The following HMCN1 variants were observed in gnomAD, a reference collection of about 807,000 sequenced individuals.
HMCN1 encodes hemicentin-1.
In HMCN1, 321 loss-of-function variants were observed where a neutral mutation model predicts 625.9. The observed-to-expected ratio is 0.51, with a 90% CI of 0.47 to 0.56. The LOEUF (loss-of-function observed/expected upper bound fraction) is 0.56. Ranked by LOEUF, HMCN1 falls within the 20% of genes least tolerant of loss-of-function variation. The pLI is 0.00. For missense variants in HMCN1, 6,588 were observed against 6,887.3 expected, an observed-to-expected ratio of 0.96 and a Z score of 1.54; for synonymous variants, 2,425 against 2,417.6, an observed-to-expected ratio of 1.00 and a Z score of -0.09.
At chr1:185,991,858 T>C (rs889094883) in intron 22 of HMCN1, among the ~76,000 whole-genome samples, 3 of 152,166 alleles carry the variant, frequency 2.0e-5, no homozygotes, top group Non-Finnish European at 4.4e-5. Flanking sequence ...CATTGCTAAA[T>C]TGCTTTCCAA....
chr1:185,766,416 C>T (rs1655875699), intron 1 of HMCN1, among the ~76,000 whole-genome samples: 2 of 152,096 alleles, frequency 1.3e-5, no homozygotes, highest in Admixed American at 1.3e-4. Flanking sequence ...AGGGGACATT[C>T]TCCCTGAATA....
chr1:186,069,516 C>A, intron 50 of HMCN1, 147 bp from the exon 51 acceptor site: 1 of 685,740 alleles, frequency 1.5e-6, no homozygotes, highest in Non-Finnish European at 2.7e-6. Flanking sequence ...ATCAGTATTG[C>A]AGTTTATCTT....
At position 186,117,470 on chromosome 1, in the gene HMCN1, A is replaced by G. The variant is rs923845717; in HGVS notation, c.11695A>G (p.Ile3899Val). Residue 3899 changes from isoleucine (I) to valine (V), a missense_variant, in exon 77 of 107, where the codon ATA (isoleucine) becomes GTA (valine). By Grantham distance (29) the Ile-to-Val change is conservative. Around this residue, in one of 3 missense-constraint regions of HMCN1, gnomAD observed 4,628 missense variants for 4,853.1 expected, o/e 0.95. Coordinates refer to ENST00000271588, the MANE Select transcript of HMCN1 (RefSeq NM_031935.3). ...VDLTVQVPPS[I>V]ADEPTDFLVT... ...TGTTGTTGTTTTAGTTCCACCTTCCATAGCTGATGAGCCTACAGATTTCCT... is the reference window on the plus strand; with the variant it reads ...TGTTGTTGTTTTAGTTCCACCTTCCGTAGCTGATGAGCCTACAGATTTCCT... 1 of 1,613,612 alleles carries G rather than the reference A, an allele frequency of 6.2e-7. No homozygotes were observed. Among genetic ancestry groups the G allele is most frequent in the Admixed American group, 1.7e-5 (1 of 59,972 alleles).
chr1:185,944,805 A>G (rs1280832518), intron 11 of HMCN1, among the ~76,000 whole-genome samples: 1 of 152,230 alleles, frequency 6.6e-6, no homozygotes, highest in Non-Finnish European at 1.5e-5. Context: ...GTAACATAAT[A>G]CTTAGTACCC....
chr1:186,104,929 A>G (rs1660543516), intron 69 of HMCN1, among the ~76,000 whole-genome samples: 1 of 152,228 alleles, frequency 6.6e-6, no homozygotes, highest in Non-Finnish European at 1.5e-5. Context: ...TAGGAATAGC[A>G]TGGAGACAGA....
intron 39 of HMCN1, 92 bp downstream of exon 39, chr1:186,039,971 A>G (rs543450777): frequency 2.4e-6 from 3 of 1,231,158 alleles, no homozygotes; most frequent in Admixed American, 3.4e-5. Flanking sequence ...GATTTAGAGA[A>G]CAAGGATTAA....
In HMCN1 at chr1:186,003,821, T is replaced by A; in HGVS notation, c.4452T>A (p.Asp1484Glu). The A allele has an allele frequency of 6.2e-7, 1 of 1,613,350 alleles. No individual in the cohort carries two copies. The highest frequency in any genetic ancestry group is 8.5e-7 in the Non-Finnish European group (1 of 1,179,414). The stretch of plus-strand genomic sequence containing the variant: ...AGGTCAAAGGCACTCCCTTTCCTGA[T>A]ATTCATTGGTTCAAAGATGGCAAGT... ...ECQVKGTPFPDIHWFKDGKPL... is the reference protein window; with the variant it reads ...ECQVKGTPFPEIHWFKDGKPL... Residue 1484 changes from aspartate to glutamate, a missense_variant, in exon 29 of 107, where the codon GAT becomes GAA. Around this residue, in one of 3 missense-constraint regions of HMCN1, gnomAD observed 4,628 missense variants for 4,853.1 expected, o/e 0.95. Transcript: ENST00000271588.
intron 2 of HMCN1, among the ~76,000 whole-genome samples, chr1:185,854,488 G>A (rs558060816): frequency 1.1e-3 from 174 of 152,256 alleles, no homozygotes; most frequent in African/African-American, 3.9e-3. Context: ...CTCCTATGGA[G>A]CAATGTCTGG....
intron 4 of HMCN1, among the ~76,000 whole-genome samples, chr1:185,907,923 T>G (rs1666186347): frequency 6.7e-6 from 1 of 148,762 alleles, no homozygotes. Context: ...ACCAATTTCA[T>G]TGACATTAGT....
chr1:185,818,564 A>C (rs191077929), intron 1 of HMCN1, among the ~76,000 whole-genome samples: 85 of 152,282 alleles, frequency 5.6e-4, no homozygotes, highest in African/African-American at 2.0e-3. Flanking sequence ...AATATAGTTA[A>C]TTCTTACCTT....
chr1:185,805,441 T>A (rs186364987), intron 1 of HMCN1, among the ~76,000 whole-genome samples: 1 of 152,264 alleles, frequency 6.6e-6, no homozygotes, highest in Non-Finnish European at 1.5e-5. Flanking sequence ...AACATTTAGG[T>A]AGAGATGACA....
chr1:186,160,203 T>A (rs559131015), intron 97 of HMCN1, among the ~76,000 whole-genome samples: 3,378 of 148,852 alleles, frequency 0.023, 57 homozygotes, highest in Non-Finnish European at 0.037. Flanking sequence ...CTAGTTTATT[T>A]GCATAGAGGT....
rs1654593118 is a variant in HMCN1 at position 186,019,690 on chromosome 1, C to T, written c.5620C>T (p.Leu1874Phe). ...GCCTGTGAACACTGCCCAAGGAAAC[C>T]TTAAAGTAAGTGTAAATATTACTCA... ...DQPVNTAQGN[L>F]KIQSSGRVLQ... The change falls in exon 35 of 107, where the codon CTT becomes TTT. Residue 1874 changes from leucine to phenylalanine, a missense_variant. Leu to Phe is a conservative substitution (Grantham distance 22). This residue lies in a region of HMCN1 where 4,628 missense variants were observed against 4,853.1 expected (regional missense o/e 0.95). Coordinates refer to ENST00000271588, the MANE Select transcript of HMCN1 (RefSeq NM_031935.3). The T allele has an allele frequency of 6.2e-7, 1 of 1,611,114 alleles. No individual in the cohort carries two copies. The highest frequency in any genetic ancestry group is 1.7e-5 in the Admixed American group (1 of 59,856).
At chr1:185,902,597 A>G (rs770590632) in intron 4 of HMCN1, among the ~76,000 whole-genome samples, 2 of 151,700 alleles carry the variant, frequency 1.3e-5, no homozygotes, top group Non-Finnish European at 3.0e-5. Flanking sequence ...GTGTGTATGC[A>G]TATATGGATA....
intron 38 of HMCN1, 68 bp from the exon 39 acceptor site, chr1:186,039,660 A>C: frequency 6.8e-7 from 1 of 1,478,994 alleles, no homozygotes; most frequent in Non-Finnish European, 9.5e-7. Flanking sequence ...CATTAGATGT[A>C]GTTTTCATCA....
chr1:186,186,111 G>T (rs1367855183), intron 105 of HMCN1, among the ~76,000 whole-genome samples: 1 of 152,064 alleles, frequency 6.6e-6, no homozygotes, highest in African/African-American at 2.4e-5. Context: ...TAACTCTCTC[G>T]GTTAAGGGAG....
chr1:185,746,642 T>C (rs944168728), intron 1 of HMCN1, among the ~76,000 whole-genome samples: 1 of 150,766 alleles, frequency 6.6e-6, no homozygotes, highest in Admixed American at 6.6e-5. Flanking sequence ...TCTCTCTCTG[T>C]TGCCCAGGCT....
intron 36 of HMCN1, 59 bp downstream of exon 36, chr1:186,023,212 T>C (rs1654834410): frequency 2.1e-6 from 3 of 1,457,890 alleles, no homozygotes; most frequent in South Asian, 2.3e-5. Context: ...AAAAACATAG[T>C]GGGCTCATTT....
At chr1:185,945,777 G>A (rs1668310163) in intron 11 of HMCN1, among the ~76,000 whole-genome samples, 1 of 152,200 alleles carries the variant, frequency 6.6e-6, no homozygotes, top group African/African-American at 2.4e-5. Flanking sequence ...AGACACATGG[G>A]CTTGCTAAGA....
Sources: gnomAD v4.1 joint callset for allele counts (sites outside exome capture counted in the v4.1 genomes callset) on GRCh38, gnomAD v4.1.1 for gene constraint, gnomAD v4.1.1 regional missense constraint, MANE v1.5 for transcripts, NCBI Gene and HGNC (gene_info 2026-07-23, HGNC 2026-07-21) for gene names.